Variants in TPD52L1 observed in about 807,000 individuals in gnomAD.
The protein encoded by TPD52L1 is TPD52 like 1.
A neutral mutation model predicts 28.7 loss-of-function variants in TPD52L1; 18 were observed. The ratio of observed to expected loss-of-function variants is 0.63; its 90% confidence interval spans 0.43 to 0.93. TPD52L1 has a LOEUF of 0.93. TPD52L1 is among the 40% of genes least tolerant of loss of function. TPD52L1 has a pLI of 0.00. For synonymous variants in TPD52L1, 75 were observed against 88.8 expected (o/e 0.84, Z 0.88); for missense variants, 203 against 254.8 (o/e 0.80, Z 1.39).
At chr6:125,172,141 TTTCTTTCTTTCTTTCTTTTCTTTC>T (rs1562211039) in intron 1 of TPD52L1, among the ~76,000 whole-genome samples, 401 of 78,058 alleles carry the variant, frequency 5.1e-3, no homozygotes, top group Middle Eastern at 0.013. Context: ...TCTTTCTTTC[TTTCTTTCTTTCTTTCTTTTCTTTC>T]TTTCTTTCTT....
intron 2 of TPD52L1, among the ~76,000 whole-genome samples, chr6:125,223,708 C>CAAAAAAAAA (rs11294390): frequency 2.8e-5 from 2 of 71,500 alleles, no homozygotes; most frequent in African/African-American, 9.1e-5. Flanking sequence ...GATTCCATCT[C>CAAAAAAAAA]AAAAAAAAAA....
At chr6:125,211,235 G>A (rs1044734333) in intron 1 of TPD52L1, among the ~76,000 whole-genome samples, 2 of 151,014 alleles carry the variant, frequency 1.3e-5, no homozygotes, top group Non-Finnish European at 1.5e-5. Flanking sequence ...AAAATACTGC[G>A]ATTTCATTTT....
intron 1 of TPD52L1, among the ~76,000 whole-genome samples, chr6:125,195,887 G>C (rs1462462065): frequency 6.6e-6 from 1 of 152,214 alleles, no homozygotes; most frequent in Non-Finnish European, 1.5e-5. Flanking sequence ...AGCCAGGCCA[G>C]TTGTTGCCCA....
intron 1 of TPD52L1, among the ~76,000 whole-genome samples, chr6:125,166,181 G>C (rs1179833995): frequency 6.6e-6 from 1 of 152,178 alleles, no homozygotes; most frequent in African/African-American, 2.4e-5. Flanking sequence ...TGGGATGGGG[G>C]TAGTGGGAGG....
chr6:125,200,610 A>T (rs1793742507), intron 1 of TPD52L1, among the ~76,000 whole-genome samples: 1 of 152,360 alleles, frequency 6.6e-6, no homozygotes, highest in Admixed American at 6.5e-5. Flanking sequence ...AATTTGGTAC[A>T]TATCCTTTCT....
At chr6:125,189,781 G>A (rs553635675) in intron 1 of TPD52L1, among the ~76,000 whole-genome samples, 8 of 152,204 alleles carry the variant, frequency 5.3e-5, no homozygotes, top group African/African-American at 1.9e-4. Flanking sequence ...TGATACTGAA[G>A]GAACTCGATT....
At chr6:125,210,856 CTG>C (rs2114930557) in intron 1 of TPD52L1, among the ~76,000 whole-genome samples, 1 of 152,274 alleles carries the variant, frequency 6.6e-6, no homozygotes, top group East Asian at 1.9e-4. Context: ...GATGAAAAGA[CTG>C]AGATTTCAAC....
chr6:125,207,108 A>G (rs3799751), intron 1 of TPD52L1, among the ~76,000 whole-genome samples: 39,767 of 152,020 alleles, frequency 0.26, 5,891 homozygotes, highest in Admixed American at 0.4. Flanking sequence ...ATCAAGTCCT[A>G]TCAGAAAGAG....
intron 1 of TPD52L1, among the ~76,000 whole-genome samples, chr6:125,192,568 C>G (rs959710228): frequency 6.6e-6 from 1 of 152,118 alleles, no homozygotes; most frequent in African/African-American, 2.4e-5. Flanking sequence ...AGCACCTTAA[C>G]AGAGAGCCCC....
intron 1 of TPD52L1, among the ~76,000 whole-genome samples, chr6:125,192,127 A>C (rs548578470): frequency 3.0e-4 from 45 of 152,150 alleles, no homozygotes; most frequent in Non-Finnish European, 3.8e-4. Context: ...GTTGGCTTTG[A>C]CTACAAGTGG....
chr6:125,214,563 G>A (rs1338826615), intron 1 of TPD52L1: 1 of 538,300 alleles, frequency 1.9e-6, no homozygotes, highest in African/African-American at 2.1e-5. Flanking sequence ...ATGATATGTA[G>A]AACATTGCCT....
At chr6:125,242,114 T>G (rs1796649711) in intron 3 of TPD52L1, among the ~76,000 whole-genome samples, 1 of 152,090 alleles carries the variant, frequency 6.6e-6, no homozygotes, top group Admixed American at 6.6e-5. Flanking sequence ...GTTTAATATC[T>G]ATATATTTGT....
chr6:125,215,834 A>T, intron 1 of TPD52L1, among the ~76,000 whole-genome samples: 1 of 152,206 alleles, frequency 6.6e-6, no homozygotes, highest in Admixed American at 6.5e-5. Context: ...AAGATGTTTG[A>T]TGTCTTGAAA....
Position 125,177,044 on chromosome 6 carries a change from A to G in TPD52L1, c.19+23074A>G, listed in dbSNP as rs117626759. Among the ~76,000 whole-genome samples the G allele has an allele frequency of 8.3e-3, 1,260 of 152,230 alleles. 6 individuals carry two copies. The highest frequency in any genetic ancestry group is 0.011 in the Non-Finnish European group (723 of 68,018). ...CAGAGCCAGACCTTGTCTCATAAAT[A>G]AATAAATAAATGTAAAAATGAAAAA... is the stretch of plus-strand genomic sequence containing the variant. On this transcript the variant is annotated intron_variant, in intron 1 of 6. Coordinates refer to ENST00000534000, the MANE Select transcript of TPD52L1 (RefSeq NM_003287.4).
chr6:125,205,923 A>C lies in TPD52L1; in HGVS notation c.20-14155A>C, dbSNP rs3799753. Among the ~76,000 whole-genome samples the C allele has an allele frequency of 4.3e-4, 66 of 152,328 alleles. 1 individual carries two copies. In the East Asian group the frequency reaches 0.012, roughly 28 times the overall value. ...CCCAAGTTAGGTTTTGGACAGCCAC[A>C]AATGTTTCTTTTGAGACTAGAGTCC... On this transcript the variant is annotated intron_variant, in intron 1 of 6. Transcript: ENST00000534000.
At chr6:125,175,799 G>A (rs1791785389) in intron 1 of TPD52L1, among the ~76,000 whole-genome samples, 1 of 152,148 alleles carries the variant, frequency 6.6e-6, no homozygotes, top group African/African-American at 2.4e-5. Flanking sequence ...TGTTATGGGA[G>A]AGGTTAAAAG....
At chr6:125,163,507 A>G (rs1790659243) in intron 1 of TPD52L1, among the ~76,000 whole-genome samples, 1 of 150,532 alleles carries the variant, frequency 6.6e-6, no homozygotes, top group South Asian at 2.1e-4. Context: ...GCTTGAGCCC[A>G]GGAGTTTGAG....
intron 1 of TPD52L1, among the ~76,000 whole-genome samples, chr6:125,206,459 A>C (rs1449884248): frequency 6.6e-6 from 1 of 152,186 alleles, no homozygotes. Context: ...TCATTATTCT[A>C]GTGCTGTTGG....
At position 125,215,314 on chromosome 6, in the gene TPD52L1, G is replaced by T. The variant is rs147110038; in HGVS notation, c.20-4764G>T. The stretch of plus-strand genomic sequence containing the variant: ...CAACTCCTCTTTTTAACTACTTCTT[G>T]ATTCTTGAATTATCCTTTGACCTCA... On this transcript the variant is annotated intron_variant, in intron 1 of 6. Transcript: ENST00000534000. 2.9e-3 allele frequency among the ~76,000 whole-genome samples: 442 copies of T among 152,052 alleles called. 1 individual carries two copies. Among genetic ancestry groups the T allele is most frequent in the African/African-American group, 9.9e-3 (411 of 41,484 alleles).
Sources: allele counts gnomAD v4.1 joint callset (sites outside exome capture counted in the v4.1 genomes callset), GRCh38; gene constraint gnomAD v4.1.1; transcripts MANE v1.5; gene names NCBI Gene and HGNC (gene_info 2026-07-23, HGNC 2026-07-21).